Variants in TNRC6B observed in about 807,000 individuals in gnomAD.
TNRC6B encodes the protein trinucleotide repeat containing adaptor 6B.
In TNRC6B, 52 loss-of-function variants were observed where a neutral mutation model predicts 203.6. The observed-to-expected ratio is 0.26, with a 90% CI of 0.20 to 0.32. The LOEUF is 0.32. Ranked by LOEUF, TNRC6B falls within the 10% of genes least tolerant of loss-of-function variation. The pLI, the probability that TNRC6B is intolerant of heterozygous loss-of-function variation, is 1.00. For missense variants in TNRC6B, 1,923 were observed against 2,286.2 expected, an observed-to-expected ratio of 0.84 and a Z score of 3.24; for synonymous variants, 838 against 845.7, an observed-to-expected ratio of 0.99 and a Z score of 0.16.
At chr22:40,182,471 G>A (rs532181145) in intron 1 of TNRC6B, among the ~76,000 whole-genome samples, 139 of 152,320 alleles carry the variant, frequency 9.1e-4, no homozygotes, top group African/African-American at 3.3e-3. Context: ...GGGTAGGGTG[G>A]AGTGAATTGA....
chr22:40,262,683 A>G lies in TNRC6B; in HGVS notation c.457+510A>G, dbSNP rs542459846. Among the ~76,000 whole-genome samples the G allele has an allele frequency of 3.9e-5, 6 of 152,124 alleles. No individual in the cohort carries two copies. In the East Asian group the frequency reaches 1.2e-3, roughly 29 times the overall value. ...TTCTTTTTGTGGGCCCTGGATTTTG[A>G]GCTTTGTTAAAAACTGTATGTAGAA... On this transcript the variant is annotated intron_variant, in intron 4 of 22. Coordinates refer to ENST00000454349, the MANE Select transcript of TNRC6B (RefSeq NM_001162501.2).
rs1450806824 is a variant in TNRC6B at position 40,308,116 on chromosome 22, A to G, written c.4121-396A>G. Among the ~76,000 whole-genome samples the G allele has an allele frequency of 2.0e-5, 3 of 152,078 alleles. No individual in the cohort carries two copies. In the East Asian group the frequency reaches 5.8e-4, roughly 29 times the overall value. On this transcript the variant is annotated intron_variant, in intron 15 of 22. Transcript: ENST00000454349. Reference sequence around the variant, plus strand: ...CCTAGATCACATCTTCCTTCTGCAAACCCTTTCCTCCCCCAAGATACCCTG... The same window carrying G: ...CCTAGATCACATCTTCCTTCTGCAAGCCCTTTCCTCCCCCAAGATACCCTG...
At chr22:40,297,807 G>A (rs1295975071) in intron 12 of TNRC6B, among the ~76,000 whole-genome samples, 1 of 151,634 alleles carries the variant, frequency 6.6e-6, no homozygotes, top group Non-Finnish European at 1.5e-5. Flanking sequence ...GGGCGACAGA[G>A]TGAAACTCTA....
At chr22:40,173,190 G>A (rs1439226001), upstream of TNRC6B, among the ~76,000 whole-genome samples, 2 of 151,832 alleles carry the variant, frequency 1.3e-5, no homozygotes, top group Non-Finnish European at 2.9e-5. Context: ...TCCACCTCGC[G>A]GATTCAAGCA....
At chr22:40,272,321 A>G (rs992045692) in intron 6 of TNRC6B, among the ~76,000 whole-genome samples, 11 of 152,138 alleles carry the variant, frequency 7.2e-5, no homozygotes, top group Non-Finnish European at 1.5e-5. Context: ...ATGAGATGCT[A>G]CAGTTAGAAG....
At chr22:40,293,278 T>G (rs2070894180) in intron 12 of TNRC6B, among the ~76,000 whole-genome samples, 1 of 134,528 alleles carries the variant, frequency 7.4e-6, no homozygotes, top group South Asian at 2.5e-4. Flanking sequence ...TTACTGCAAC[T>G]CTGCCCCCGG....
Position 40,265,477 on chromosome 22 carries a change from A to G in TNRC6B, c.1247A>G (p.Asp416Gly). ...GATGCCCCTTCACAAAGCACTGGAG[A>G]TCGAAAGACTGGGAGTGTTGGATCT... Reference protein sequence around the residue: ...STDAPSQSTGDRKTGSVGSWG... With the variant: ...STDAPSQSTGGRKTGSVGSWG... The change falls in exon 5 of 23, where the codon GAT becomes GGT. Residue 416 changes from aspartate (D) to glycine (G), a missense_variant. By Grantham distance (94) the Asp-to-Gly change is moderately conservative (BLOSUM62 -1). Transcript: ENST00000454349. 1.2e-6 allele frequency: 2 copies of G among 1,613,966 alleles called. No individual in the cohort carries two copies. The highest frequency in any genetic ancestry group is 4.5e-5 in the East Asian group (2 of 44,880).
At chr22:40,293,353 C>T (rs2146537747) in intron 12 of TNRC6B, among the ~76,000 whole-genome samples, 1 of 152,108 alleles carries the variant, frequency 6.6e-6, no homozygotes, top group Admixed American at 6.5e-5. Flanking sequence ...GCCACCATGC[C>T]TGGCTAATTT....
chr22:40,116,587 A>G (rs568902857), intron 1 of TNRC6B, among the ~76,000 whole-genome samples: 59 of 152,322 alleles, frequency 3.9e-4, no homozygotes, highest in African/African-American at 1.3e-3. Flanking sequence ...CCAACAAGCA[A>G]GAAGGACAGC....
intron 1 of TNRC6B, among the ~76,000 whole-genome samples, chr22:40,075,007 A>T (rs1359399240): frequency 6.6e-6 from 1 of 151,502 alleles, no homozygotes; most frequent in Admixed American, 6.6e-5. Flanking sequence ...GTCCTTTGAG[A>T]TCTGTCATGA....
intron 1 of TNRC6B, among the ~76,000 whole-genome samples, chr22:40,223,191 A>G (rs1174217878): frequency 3.3e-5 from 5 of 151,510 alleles, no homozygotes; most frequent in Non-Finnish European, 7.4e-5. Flanking sequence ...CCCAGGCTGG[A>G]GTGCAATGGC....
At position 40,190,009 on chromosome 22, in the gene TNRC6B, A is replaced by G. The variant is rs185336045; in HGVS notation, c.5+11869A>G. ...ATGATTACATTGTTTCCTTTTTCCC[A>G]CAGATCATCACAGGTGCTAAAGTTT... On this transcript the variant is annotated intron_variant, in intron 1 of 22. Transcript: ENST00000454349. 2.2e-3 allele frequency among the ~76,000 whole-genome samples: 331 copies of G among 152,312 alleles called. 2 individuals are homozygous for G. The highest frequency in any genetic ancestry group is 6.9e-3 in the African/African-American group (285 of 41,582).
intron 1 of TNRC6B, among the ~76,000 whole-genome samples, chr22:40,187,457 C>T (rs565693586): frequency 2.0e-5 from 3 of 152,128 alleles, no homozygotes; most frequent in South Asian, 2.1e-4. Context: ...CTAAACATAC[C>T]GGTTTGTGCC....
At chr22:40,232,677 T>G (rs2146452108) in intron 1 of TNRC6B, among the ~76,000 whole-genome samples, 1 of 152,330 alleles carries the variant, frequency 6.6e-6, no homozygotes, top group East Asian at 1.9e-4. Context: ...TTGTTGGTTA[T>G]AGCTTTTGCC....
chr22:40,128,268 C>T (rs1028100648), intron 3 of TNRC6B, among the ~76,000 whole-genome samples: 17 of 152,024 alleles, frequency 1.1e-4, no homozygotes, highest in Non-Finnish European at 2.1e-4. Flanking sequence ...GGGGTCAGTC[C>T]ATTCTCCTCC....
chr22:40,046,397 A>G (rs1228227481), intron 1 of TNRC6B, among the ~76,000 whole-genome samples: 1 of 152,274 alleles, frequency 6.6e-6, no homozygotes, highest in African/African-American at 2.4e-5. Flanking sequence ...TATCCAGAAT[A>G]CAAATCAGAC....
intron 1 of TNRC6B, among the ~76,000 whole-genome samples, chr22:40,244,757 C>T (rs558398888): frequency 2.6e-5 from 4 of 152,184 alleles, no homozygotes; most frequent in African/African-American, 7.2e-5. Context: ...CTTTAAGTCT[C>T]CTTCCAGCGA....
chr22:40,173,789 A>AT (rs1569007712), upstream of TNRC6B, among the ~76,000 whole-genome samples: 1 of 43,068 alleles, frequency 2.3e-5, no homozygotes, highest in Non-Finnish European at 4.2e-5. Flanking sequence ...ATATATATAT[A>AT]TATATTTTTT....
intron 1 of TNRC6B, among the ~76,000 whole-genome samples, chr22:40,187,699 C>T (rs906658959): frequency 8.5e-5 from 13 of 152,116 alleles, no homozygotes; most frequent in African/African-American, 3.1e-4. Context: ...TTATGTTGTG[C>T]TTGTCTCTCA....
Sources: allele counts gnomAD v4.1 joint callset (sites outside exome capture counted in the v4.1 genomes callset), GRCh38; gene constraint gnomAD v4.1.1; transcripts MANE v1.5; gene names NCBI Gene and HGNC (gene_info 2026-07-23, HGNC 2026-07-21).